PRKX: variants seen among roughly 807,000 people sequenced by gnomAD.
PRKX encodes the protein protein kinase cAMP-dependent X-linked catalytic subunit.
In PRKX, 12 loss-of-function variants were observed where a neutral mutation model predicts 22.0. That is an observed-to-expected ratio of 0.54 (90% CI 0.35 to 0.88). The LOEUF is 0.88. PRKX is among the 40% of genes least tolerant of loss of function. The pLI is 0.01. For missense variants in PRKX, 217 were observed against 308.0 expected, an observed-to-expected ratio of 0.70 and a Z score of 2.21; for synonymous variants, 134 against 137.7, an observed-to-expected ratio of 0.97 and a Z score of 0.19.
At chrX:3,684,086 A>G (rs1928126282) in intron 1 of PRKX, among the ~76,000 whole-genome samples, 1 of 110,825 alleles carries the variant, frequency 9.0e-6, no homozygotes, top group African/African-American at 3.3e-5. Context: ...CCCCGTCTCT[A>G]CTAAAAATAC....
chrX:3,645,940 T>C (rs1474695182), intron 3 of PRKX, among the ~76,000 whole-genome samples: 1 of 107,767 alleles, frequency 9.3e-6, no homozygotes, highest in Non-Finnish European at 1.9e-5. Flanking sequence ...TTCTGAAACA[T>C]AAAAAATGTT....
chrX:3,691,097 G>C (rs575961381), intron 1 of PRKX, among the ~76,000 whole-genome samples: 2 of 111,908 alleles, frequency 1.8e-5, no homozygotes, highest in African/African-American at 6.5e-5. Flanking sequence ...TCGGACTAGG[G>C]TCTAGAAAGT....
At chrX:3,689,779 C>T (rs1050194702) in intron 1 of PRKX, among the ~76,000 whole-genome samples, 9 of 111,689 alleles carry the variant, frequency 8.1e-5, no homozygotes, top group Admixed American at 6.7e-4. Flanking sequence ...AGATCGAGAC[C>T]ATCCTGGCTA....
At chrX:3,640,471 C>T (rs1338885882) in intron 4 of PRKX, among the ~76,000 whole-genome samples, 4 of 112,043 alleles carry the variant, frequency 3.6e-5, no homozygotes, top group Non-Finnish European at 7.5e-5. Flanking sequence ...CCAAGTGTTG[C>T]GTGCTTCCTT....
rs149416181 is a variant in PRKX, at chrX:3,694,729, C to T, written c.166+18359G>A. Reference sequence around the variant, plus strand: ...AGCTAGGGATCTTGAGATGAGATCGCGCTGGAAAAGGGTGGGCCCTAAATC... The same window carrying T: ...AGCTAGGGATCTTGAGATGAGATCGTGCTGGAAAAGGGTGGGCCCTAAATC... On this transcript the variant is annotated intron_variant, in intron 1 of 8. Transcript: ENST00000262848. 2.8e-3 allele frequency among the ~76,000 whole-genome samples: 310 copies of T among 111,453 alleles called. 1 individual carries two copies. The highest frequency in any genetic ancestry group is 9.3e-3 in the African/African-American group (287 of 30,706).
rs1926157333 is a variant in PRKX, at chrX:3,605,798, T to G, written c.*3171A>C. The G allele has an allele frequency of 8.9e-6, 1 of 111,949 alleles. No homozygotes were observed. The allele number at this position is 111,949 out of a possible 1,213,427, so 9.2% of individuals were successfully genotyped here. On this transcript the variant is annotated 3_prime_UTR_variant, in exon 9 of 9. Coordinates refer to ENST00000262848, the MANE Select transcript of PRKX (RefSeq NM_005044.5). ...AGAGGGAGTGGGGCTGAACTGCATT[T>G]TGAGGGGATGAAGCGCGCAATCTTA...
intron 2 of PRKX, among the ~76,000 whole-genome samples, chrX:3,673,030 G>A (rs1456363962): frequency 4.5e-5 from 5 of 110,846 alleles, no homozygotes; most frequent in African/African-American, 1.6e-4. Flanking sequence ...AGGAAGGGAG[G>A]AAGGGAGCCA....
At chrX:3,682,550 A>C (rs1422236619) in intron 1 of PRKX, among the ~76,000 whole-genome samples, 1 of 111,835 alleles carries the variant, frequency 8.9e-6, no homozygotes, top group Non-Finnish European at 1.9e-5. Flanking sequence ...ATGAAATAAA[A>C]AAAAAGGTAT....
intron 1 of PRKX, among the ~76,000 whole-genome samples, chrX:3,689,934 A>ACG (rs1569061332): frequency 9.9e-5 from 11 of 111,029 alleles, no homozygotes; most frequent in African/African-American, 3.0e-4. Flanking sequence ...CCGAGATGGC[A>ACG]CCACTGCACT....
intron 7 of PRKX, among the ~76,000 whole-genome samples, chrX:3,613,495 T>G (rs1308408017): frequency 9.1e-6 from 1 of 109,864 alleles, no homozygotes; most frequent in Non-Finnish European, 1.9e-5. Flanking sequence ...ATTCAAATTG[T>G]TTTTTTAATG....
At chrX:3,631,809 A>T (rs1055006363) in intron 4 of PRKX, among the ~76,000 whole-genome samples, 3 of 112,678 alleles carry the variant, frequency 2.7e-5, no homozygotes, top group Non-Finnish European at 3.7e-5. Context: ...GAACTGGGAG[A>T]GGCAGAAAGG....
At chrX:3,669,215 A>T (rs928480975) in intron 2 of PRKX, among the ~76,000 whole-genome samples, 23 of 112,590 alleles carry the variant, frequency 2.0e-4, no homozygotes, top group African/African-American at 6.8e-4. Flanking sequence ...TATAGCTATC[A>T]TCTATCAATC....
At chrX:3,680,616 C>T (rs1210410020) in intron 1 of PRKX, among the ~76,000 whole-genome samples, 3 of 112,507 alleles carry the variant, frequency 2.7e-5, no homozygotes, top group African/African-American at 6.5e-5. Flanking sequence ...ATACACATTA[C>T]GGTCACCAAA....
At chrX:3,613,705 T>C (rs1603472881) in intron 7 of PRKX, among the ~76,000 whole-genome samples, 3 of 105,736 alleles carry the variant, frequency 2.8e-5, no homozygotes, top group African/African-American at 6.9e-5. Flanking sequence ...AAAAATTAGC[T>C]GGATGTGGTG....
intron 4 of PRKX, among the ~76,000 whole-genome samples, chrX:3,634,206 C>T (rs1223367411): frequency 9.0e-6 from 1 of 110,516 alleles, no homozygotes; most frequent in Non-Finnish European, 1.9e-5. Flanking sequence ...GCCGAGATCG[C>T]GCCACTACAC....
chrX:3,622,429 T>G (rs1926577094), intron 5 of PRKX, among the ~76,000 whole-genome samples: 1 of 110,945 alleles, frequency 9.0e-6, no homozygotes, highest in Non-Finnish European at 1.9e-5. Context: ...GTCTAGGCTT[T>G]CCCAGCATAA....
intron 4 of PRKX, among the ~76,000 whole-genome samples, chrX:3,636,294 C>T: frequency 8.9e-6 from 1 of 112,688 alleles, no homozygotes; most frequent in South Asian, 3.6e-4. Flanking sequence ...AAGACTCTGA[C>T]TGCAGGCCGG....
chrX:3,613,854 CAAAAAAAAAAAAAA>C (rs1205221732), intron 7 of PRKX, among the ~76,000 whole-genome samples: 2 of 39,429 alleles, frequency 5.1e-5, no homozygotes, highest in Non-Finnish European at 8.9e-5. Context: ...GACTCCATCT[CAAAAAAAAAAAAAA>C]AAAAAAAAAA....
rs138240737 is a variant in PRKX at position 3,689,964 on chromosome X, A to G, written c.167-15198T>C. Among the ~76,000 whole-genome samples, 754 of 111,262 alleles carry G rather than the reference A, an allele frequency of 6.8e-3. 6 individuals carry two copies. The highest frequency in any genetic ancestry group is 0.022 in the African/African-American group (674 of 30,628). On this transcript the variant is annotated intron_variant, in intron 1 of 8. Transcript: ENST00000262848. ...TGCACTCCAGCCTGCGTGACAGAGC[A>G]AGACTCTGTCTCGAAAAAAACAAAA... is the stretch of plus-strand genomic sequence containing the variant.
Sources: allele counts gnomAD v4.1 joint callset (sites outside exome capture counted in the v4.1 genomes callset), GRCh38; gene constraint gnomAD v4.1.1; transcripts MANE v1.5; gene names NCBI Gene and HGNC (gene_info 2026-07-23, HGNC 2026-07-21).